Variants in PLB1 observed in about 807,000 individuals in gnomAD.
PLB1 encodes phospholipase B1.
In PLB1, 242 loss-of-function variants were observed where a neutral mutation model predicts 227.4. The ratio of observed to expected loss-of-function variants is 1.06; its 90% CI spans 0.96 to 1.18. The LOEUF (loss-of-function observed/expected upper bound fraction) is 1.18, where lower values mean the gene tolerates loss of function less well. PLB1 is among the 50% of genes most tolerant of loss of function. The pLI is 0.00. For missense variants in PLB1, 1,858 were observed against 1,816.3 expected, an observed-to-expected ratio of 1.02 and a Z score of -0.42; for synonymous variants, 757 against 682.2, an observed-to-expected ratio of 1.11 and a Z score of -1.71.
intron 1 of PLB1, among the ~76,000 whole-genome samples, chr2:28,504,413 A>G (rs1667424563): frequency 6.6e-6 from 1 of 152,212 alleles, no homozygotes. Context: ...TTGGATTCCC[A>G]TAAAAACTTC....
At chr2:28,531,906 A>G (rs1308626063) in intron 8 of PLB1, among the ~76,000 whole-genome samples, 1 of 151,662 alleles carries the variant, frequency 6.6e-6, no homozygotes, top group African/African-American at 2.4e-5. Flanking sequence ...CTTTTAATTA[A>G]AAAAAAAGTT....
intron 7 of PLB1, 143 bp downstream of exon 7, chr2:28,529,550 C>T: frequency 1.1e-6 from 1 of 941,790 alleles, no homozygotes; most frequent in South Asian, 1.6e-5. Context: ...CCCCCTCAAG[C>T]TGATTTCAGG....
chr2:28,547,029 T>C (rs1016857915), intron 14 of PLB1, among the ~76,000 whole-genome samples: 10 of 151,884 alleles, frequency 6.6e-5, no homozygotes, highest in African/African-American at 2.2e-4. Context: ...GCAAAAACCC[T>C]GCCTCTACTA....
chr2:28,548,898 A>G lies in PLB1; in HGVS notation c.975A>G (p.Val325=), dbSNP rs1196128801. 1 of 1,614,140 alleles carries G rather than the reference A, an allele frequency of 6.2e-7. No homozygotes were observed. Among genetic ancestry groups the G allele is most frequent in the Non-Finnish European group, 8.5e-7 (1 of 1,179,990 alleles). Reference sequence around the variant, plus strand: ...GAGAGAAAGATGAGCCATTGAGTGTAAAACACGGGAGGCCAATGAAGTGTC... The same window carrying G: ...GAGAGAAAGATGAGCCATTGAGTGTGAAACACGGGAGGCCAATGAAGTGTC... ...PAGEKDEPLS[V]KHGRPMKCPS... Residue 325 remains valine (V), a synonymous_variant, in exon 15 of 58, where the codon GTA becomes GTG. Coordinates refer to ENST00000327757, the MANE Select transcript of PLB1 (RefSeq NM_153021.5).
intron 1 of PLB1, 118 bp downstream of exon 1, chr2:28,496,287 C>T (rs909986319): frequency 3.9e-6 from 4 of 1,031,152 alleles, no homozygotes; most frequent in South Asian, 1.6e-5. Flanking sequence ...AAGCACAAAG[C>T]GTACAGTTCA....
At position 28,620,644 on chromosome 2, in the gene PLB1, G is replaced by A; in HGVS notation, c.3427+1G>A. On this transcript the variant is annotated splice_donor_variant, in intron 48 of 57. Coordinates refer to ENST00000327757, the MANE Select transcript of PLB1 (RefSeq NM_153021.5). LOFTEE classifies it high-confidence loss of function. Reference sequence around the variant, plus strand: ...TTGGAGACTCACACCACACTGCCCAGTAAGTAGCAGCCCAGAGAGGCACCA... The same window carrying A: ...TTGGAGACTCACACCACACTGCCCAATAAGTAGCAGCCCAGAGAGGCACCA... 1 of 1,613,952 alleles carries A rather than the reference G, an allele frequency of 6.2e-7. No homozygotes were observed. The highest frequency in any genetic ancestry group is 8.5e-7 in the Non-Finnish European group (1 of 1,179,944).
chr2:28,591,229 C>G, intron 30 of PLB1, 58 bp downstream of exon 30: 2 of 1,601,270 alleles, frequency 1.2e-6, no homozygotes, highest in Non-Finnish European at 8.6e-7. Context: ...AACCCCTGGG[C>G]TGGGACAGGC....
chr2:28,633,165 A>AC, intron 56 of PLB1, 126 bp downstream of exon 56: 1 of 727,434 alleles, frequency 1.4e-6, no homozygotes, highest in Non-Finnish European at 2.3e-6. Flanking sequence ...GTGGCAGCAC[A>AC]CCTTATTGGT....
chr2:28,602,341 C>T (rs1409238425), intron 38 of PLB1, among the ~76,000 whole-genome samples: 2 of 152,238 alleles, frequency 1.3e-5, no homozygotes, highest in African/African-American at 4.8e-5. Context: ...TCTGGTCCTG[C>T]ACCCAGCAGC....
chr2:28,593,407 GT>G (rs1682336427), intron 32 of PLB1, among the ~76,000 whole-genome samples: 1 of 152,180 alleles, frequency 6.6e-6, no homozygotes, highest in Admixed American at 6.5e-5. Flanking sequence ...TTTCAAAGTG[GT>G]TTTTACAACT....
chr2:28,620,452 G>A, intron 47 of PLB1, 120 bp downstream of exon 47: 3 of 1,344,624 alleles, frequency 2.2e-6, no homozygotes, highest in South Asian at 1.4e-5. Flanking sequence ...CGCTGAGACA[G>A]GAGACTCAAT....
At chr2:28,629,328 G>A in intron 53 of PLB1, 143 bp downstream of exon 53, 3 of 620,732 alleles carry the variant, frequency 4.8e-6, no homozygotes, top group East Asian at 2.9e-5. Flanking sequence ...ACAACATCAG[G>A]AAGTACCTCT....
chr2:28,584,850 A>G (rs541805334), intron 25 of PLB1, among the ~76,000 whole-genome samples: 436 of 152,288 alleles, frequency 2.9e-3, no homozygotes, highest in African/African-American at 0.01. Context: ...TAACATAGAG[A>G]TTAAGAGCTC....
intron 13 of PLB1, 77 bp from the exon 14 acceptor site, chr2:28,543,135 G>A (rs886329006): frequency 2.0e-5 from 29 of 1,462,796 alleles, no homozygotes; most frequent in Non-Finnish European, 2.5e-5. Flanking sequence ...ATGCCAGAGA[G>A]AGCTTCAAAG....
chr2:28,571,827 ACTAACT>A (rs943541283), intron 20 of PLB1, among the ~76,000 whole-genome samples: 12 of 152,304 alleles, frequency 7.9e-5, no homozygotes, highest in Admixed American at 5.2e-4. Flanking sequence ...AAGAGCTAAA[ACTAACT>A]CTAGGAAGAA....
intron 43 of PLB1, among the ~76,000 whole-genome samples, chr2:28,607,278 C>A (rs1322421011): frequency 6.6e-6 from 1 of 152,184 alleles, no homozygotes; most frequent in African/African-American, 2.4e-5. Context: ...GAAGGCCTGA[C>A]CCAATCTGGG....
At chr2:28,600,380 G>A (rs895420680) in intron 35 of PLB1, among the ~76,000 whole-genome samples, 11 of 152,294 alleles carry the variant, frequency 7.2e-5, no homozygotes, top group African/African-American at 1.7e-4. Context: ...ACATTTTTAC[G>A]GTTATTATGT....
chr2:28,586,870 C>G (rs1389778973), intron 26 of PLB1, among the ~76,000 whole-genome samples: 1 of 152,154 alleles, frequency 6.6e-6, no homozygotes, highest in Non-Finnish European at 1.5e-5. Context: ...GCCTCAGTCC[C>G]CCAAGTAGCT....
In PLB1 at chr2:28,625,002, G is replaced by C. The variant is rs112825987; in HGVS notation, c.3528-55G>C. 3.2e-5 allele frequency: 50 copies of C among 1,539,540 alleles called. 1 individual carries two copies. The highest frequency in any genetic ancestry group is 3.0e-4 in the South Asian group (27 of 89,054). ...TCTTCCTAGGCCAAAATCCCATGTC[G>C]TGAGTCCTCGCTCCTGAGCCGGCAC... On this transcript the variant is annotated intron_variant, in intron 49 of 57. Transcript: ENST00000327757.
Sources: allele counts gnomAD v4.1 joint callset (sites outside exome capture counted in the v4.1 genomes callset), GRCh38; gene constraint gnomAD v4.1.1; transcripts MANE v1.5; gene names NCBI Gene and HGNC (gene_info 2026-07-23, HGNC 2026-07-21).